The following METTL4 variants were observed in gnomAD, a reference collection of about 807,000 sequenced individuals.
The protein encoded by METTL4 is methyltransferase 4, N6-adenosine, also known as N(6)-adenine-specific methyltransferase METTL4.
Under a neutral mutation model 54.0 loss-of-function variants are expected in METTL4, and 40 were observed. The ratio of observed to expected loss-of-function variants is 0.74; its 90% confidence interval spans 0.58 to 0.96. METTL4 has a LOEUF of 0.96. METTL4 is among the 50% of genes least tolerant of loss of function. The pLI is 0.00. For missense variants in METTL4, 525 were observed against 549.0 expected, an observed-to-expected ratio of 0.96 and a Z score of 0.44; for synonymous variants, 169 against 183.8, an observed-to-expected ratio of 0.92 and a Z score of 0.65.
chr18:2,547,804 A>G (rs571863391), intron 5 of METTL4, among the ~76,000 whole-genome samples: 31 of 152,238 alleles, frequency 2.0e-4, no homozygotes, highest in African/African-American at 7.5e-4. Flanking sequence ...ACTATTAACA[A>G]TATTTTTTTC....
At position 2,554,649 on chromosome 18, in the gene METTL4, C is replaced by T. The variant is rs1480642611; in HGVS notation, c.829+20G>A. The T allele has an allele frequency of 6.3e-7, 1 of 1,575,918 alleles. No individual in the cohort carries two copies. Among genetic ancestry groups the T allele is most frequent in the African/African-American group, 1.4e-5 (1 of 72,188 alleles). On this transcript the variant is annotated intron_variant, in intron 4 of 8. Transcript: ENST00000574538. ...CGGAAAAATTATCTTTTTCTAATAA[C>T]AAACACAATAATTACTTACAGTTTA...
At chr18:2,544,433 T>C in intron 7 of METTL4, 147 bp from the exon 8 acceptor site, 1 of 661,800 alleles carries the variant, frequency 1.5e-6, no homozygotes, top group Non-Finnish European at 2.5e-6. Flanking sequence ...AATTTAAGTA[T>C]TGAGACATTC....
At chr18:2,560,504 T>C (rs1469046800) in intron 3 of METTL4, among the ~76,000 whole-genome samples, 1 of 152,178 alleles carries the variant, frequency 6.6e-6, no homozygotes, top group East Asian at 1.9e-4. Context: ...TTTACATATA[T>C]AATTATATAT....
intron 5 of METTL4, among the ~76,000 whole-genome samples, chr18:2,548,959 AT>A: frequency 6.6e-6 from 1 of 152,328 alleles, no homozygotes; most frequent in South Asian, 2.1e-4. Context: ...AGTTTATAAA[AT>A]CCATTATCAG....
chr18:2,556,049 G>A (rs1364476274), intron 3 of METTL4, among the ~76,000 whole-genome samples: 1 of 152,156 alleles, frequency 6.6e-6, no homozygotes, highest in African/African-American at 2.4e-5. Context: ...CCAGAGAGGA[G>A]ACAGCACAGA....
intron 8 of METTL4, 135 bp from the exon 9 acceptor site, chr18:2,539,280 T>C: frequency 1.4e-6 from 1 of 717,536 alleles, no homozygotes; most frequent in Non-Finnish European, 2.3e-6. Flanking sequence ...AAGGATTTCA[T>C]CACAGGCTTT....
intron 8 of METTL4, chr18:2,540,296 A>C: frequency 3.0e-6 from 3 of 984,558 alleles, no homozygotes; most frequent in Non-Finnish European, 3.6e-6. Flanking sequence ...TTGGTATAAA[A>C]TTCAGATAAG....
intron 6 of METTL4, among the ~76,000 whole-genome samples, chr18:2,545,546 A>G (rs1180747816): frequency 2.0e-5 from 3 of 152,076 alleles, no homozygotes; most frequent in African/African-American, 7.2e-5. Context: ...GGATGATCAT[A>G]CTCTCAAAGA....
rs569000215 is a variant in METTL4 at position 2,571,443 on chromosome 18, C to T, written c.-733G>A. 51 of 152,378 alleles carry T rather than the reference C, an allele frequency of 3.3e-4. No homozygotes were observed. The highest frequency in any genetic ancestry group is 3.3e-3 in the Admixed American group (50 of 15,310). The allele number at this position is 152,378 out of a possible 1,614,324, so 9.4% of individuals were successfully genotyped here. ...CCACACTGGCCCACAGACCCCAGTT[C>T]CTGGGGTGACGCAGCTGGGCGCGAC... On this transcript the variant is annotated 5_prime_UTR_variant, in exon 1 of 9. Coordinates refer to ENST00000574538, the MANE Select transcript of METTL4 (RefSeq NM_022840.5).
rs776197538 is a variant in METTL4, at chr18:2,567,268, A to G, written c.-52T>C. ...AATTAGGAACTAGAATGAAAATCCA[A>G]CTTTCCAGATCAGCTTCTTAAATAT... On this transcript the variant is annotated 5_prime_UTR_variant, in exon 2 of 9. Transcript: ENST00000574538. 4 of 1,489,834 alleles carry G rather than the reference A, an allele frequency of 2.7e-6. No homozygotes were observed. The East Asian group carries it at 6.8e-5, about 25-fold the overall frequency. 92.3% of individuals were successfully genotyped at this position (1,489,834 alleles called of 1,614,324 possible). A position where few individuals can be genotyped will look rare whatever the true frequency, so the allele number is the denominator to read the frequency against.
rs1222990908 is a variant in METTL4, at chr18:2,538,979, CT to C, written c.*20del. On this transcript the variant is annotated 3_prime_UTR_variant, in exon 9 of 9. Coordinates refer to ENST00000574538, the MANE Select transcript of METTL4 (RefSeq NM_022840.5). ...TGGTGAGGAAACAATGAAGAAACCA[CT>C]ACTTTAATCAAGATCATAGTCAGCT... The C allele has an allele frequency of 6.2e-7, 1 of 1,607,588 alleles. No homozygotes were observed. The highest frequency in any genetic ancestry group is 8.5e-7 in the Non-Finnish European group (1 of 1,177,016).
At chr18:2,549,813 C>A (rs1229207808) in intron 5 of METTL4, among the ~76,000 whole-genome samples, 3 of 104,890 alleles carry the variant, frequency 2.9e-5, no homozygotes, top group African/African-American at 4.1e-5. Context: ...GAAACCCCAT[C>A]TCTACTAAAA....
At chr18:2,566,537 TTTTG>T (rs1429348602) in intron 2 of METTL4, among the ~76,000 whole-genome samples, 6 of 152,120 alleles carry the variant, frequency 3.9e-5, no homozygotes, top group Admixed American at 3.3e-4. Flanking sequence ...TTGTTTGGCT[TTTTG>T]TTTGTTTTTT....
intron 3 of METTL4, among the ~76,000 whole-genome samples, chr18:2,557,324 A>G (rs1206430798): frequency 6.6e-6 from 1 of 152,178 alleles, no homozygotes; most frequent in Non-Finnish European, 1.5e-5. Flanking sequence ...AAAAATAAAA[A>G]TAAAAAAAGT....
In METTL4 at chr18:2,537,996, C is replaced by T. The variant is rs2071935735; in HGVS notation, c.*1004G>A. 2.5e-6 allele frequency: 1 copy of T among 398,230 alleles called. No homozygotes were observed. Among genetic ancestry groups the T allele is most frequent in the African/African-American group, 2.1e-5 (1 of 48,598 alleles). 24.7% of individuals were successfully genotyped at this position (398,230 alleles called of 1,614,324 possible). ...TATCATGATCACTGTGGCAGACAGA[C>T]AACTGTATATATGTTTTCAAAATTC... On this transcript the variant is annotated 3_prime_UTR_variant, in exon 9 of 9. Coordinates refer to ENST00000574538, the MANE Select transcript of METTL4 (RefSeq NM_022840.5).
At position 2,555,035 on chromosome 18, in the gene METTL4, T is replaced by C. The variant is rs1218598627; in HGVS notation, c.463A>G (p.Arg155Gly). The change falls in exon 4 of 9, where the codon AGG becomes GGG. Residue 155 changes from arginine (R) to glycine (G), a missense_variant. Arg to Gly is a moderately radical substitution (Grantham distance 125). Coordinates refer to ENST00000574538, the MANE Select transcript of METTL4 (RefSeq NM_022840.5). ...LDAMEYHTKI[R>G]ELILDGSLQL... ...AAAGATCCATCCAAAATCAGCTCCC[T>C]GATCTGTAAGAGAATTTTAAGTACA... The C allele has an allele frequency of 6.2e-7, 1 of 1,610,926 alleles. No individual in the cohort carries two copies. The highest frequency in any genetic ancestry group is 8.5e-7 in the Non-Finnish European group (1 of 1,179,322).
intron 2 of METTL4, among the ~76,000 whole-genome samples, chr18:2,566,048 A>G (rs1273223598): frequency 1.6e-5 from 1 of 63,574 alleles, no homozygotes; most frequent in Non-Finnish European, 3.1e-5. Flanking sequence ...CTCTGTCTCA[A>G]ATAAATAAAT....
intron 2 of METTL4, among the ~76,000 whole-genome samples, chr18:2,564,695 A>T (rs527768450): frequency 4.6e-4 from 70 of 152,342 alleles, no homozygotes; most frequent in Non-Finnish European, 7.6e-4. Context: ...TGGCTAAATA[A>T]ATAAATGGAC....
At chr18:2,540,095 A>C in intron 8 of METTL4, 4 of 978,818 alleles carry the variant, frequency 4.1e-6, no homozygotes, top group Non-Finnish European at 4.9e-6. Flanking sequence ...TCAATGTATT[A>C]ATAACTACTG....
Sources: allele counts gnomAD v4.1 joint callset (sites outside exome capture counted in the v4.1 genomes callset), GRCh38; gene constraint gnomAD v4.1.1; transcripts MANE v1.5; gene names NCBI Gene and HGNC (gene_info 2026-07-23, HGNC 2026-07-21).